Variants in FTCDNL1 observed in about 807,000 individuals in gnomAD.
FTCDNL1 encodes formiminotransferase cyclodeaminase N-terminal like.
In FTCDNL1, 11 loss-of-function variants were observed where a neutral mutation model predicts 5.9. The ratio of observed to expected loss-of-function variants is 1.87; its 90% confidence interval spans 1.18 to 3.10. FTCDNL1 has a LOEUF of 3.10. Ranked by LOEUF, FTCDNL1 falls within the 30% of genes most tolerant of loss-of-function variation. The probability of loss-of-function intolerance (pLI) is 0.00; values close to 1 mark genes in which losing one functional copy is unlikely to be tolerated. For missense variants in FTCDNL1, 115 were observed against 65.5 expected (o/e 1.76, Z -2.61); for synonymous variants, 58 against 24.8 (o/e 2.34, Z -3.99).
chr2:199,725,887 A>G, the FTCDNL1 span, among the ~76,000 whole-genome samples: 1 of 152,086 alleles, frequency 6.6e-6, no homozygotes, highest in African/African-American at 2.4e-5. Flanking sequence ...CTCATAGAGT[A>G]TCTTACTGGG....
At chr2:199,833,385 T>C (rs1166762213) in intron 3 of FTCDNL1, among the ~76,000 whole-genome samples, 2 of 152,210 alleles carry the variant, frequency 1.3e-5, no homozygotes, top group Admixed American at 6.5e-5. Context: ...TCTACACATA[T>C]ACACCCTGAG....
the FTCDNL1 span, among the ~76,000 whole-genome samples, chr2:199,710,099 G>A: frequency 2.0e-4 from 30 of 152,160 alleles, no homozygotes; most frequent in Admixed American, 1.8e-3. Context: ...CAAAGTGCAT[G>A]TTCCTAGCTG....
the FTCDNL1 span, among the ~76,000 whole-genome samples, chr2:199,753,879 A>G: frequency 3.9e-5 from 6 of 152,232 alleles, no homozygotes; most frequent in Non-Finnish European, 7.3e-5. Flanking sequence ...GGGAGAAGGG[A>G]AAAGGGAATT....
chr2:199,737,702 C>A, the FTCDNL1 span, among the ~76,000 whole-genome samples: 1 of 152,134 alleles, frequency 6.6e-6, no homozygotes, highest in African/African-American at 2.4e-5. Flanking sequence ...TCATAGGTCC[C>A]GCACTTAGAA....
intron 1 of FTCDNL1, 64 bp from the exon 2 acceptor site, chr2:199,849,033 T>TA (rs942694689): frequency 3.0e-6 from 2 of 660,276 alleles, no homozygotes; most frequent in Non-Finnish European, 5.4e-6. Context: ...GTTTTAACTA[T>TA]AAAAAAATCA....
intron 3 of FTCDNL1, among the ~76,000 whole-genome samples, chr2:199,789,560 GA>G (rs1175714818): frequency 2.6e-5 from 4 of 151,970 alleles, no homozygotes; most frequent in Non-Finnish European, 4.4e-5. Flanking sequence ...TTAAAATTAG[GA>G]ACTTAGCAAG....
chr2:199,762,018 C>T (rs554524380), intron 3 of FTCDNL1, among the ~76,000 whole-genome samples: 27 of 152,206 alleles, frequency 1.8e-4, no homozygotes, highest in South Asian at 8.3e-4. Flanking sequence ...TTGGGCCACA[C>T]ATAAAATACA....
chr2:199,773,343 C>T (rs1698904770), intron 3 of FTCDNL1, among the ~76,000 whole-genome samples: 1 of 151,372 alleles, frequency 6.6e-6, no homozygotes, highest in African/African-American at 2.5e-5. Context: ...CCATCTACCC[C>T]CATTCTTAGG....
chr2:199,711,849 A>G, the FTCDNL1 span, among the ~76,000 whole-genome samples: 1 of 152,146 alleles, frequency 6.6e-6, no homozygotes, highest in Non-Finnish European at 1.5e-5. Context: ...CATGATGAGA[A>G]GGTCACATTG....
chr2:199,669,986 T>G, the FTCDNL1 span, among the ~76,000 whole-genome samples: 75 of 152,356 alleles, frequency 4.9e-4, no homozygotes, highest in African/African-American at 1.8e-3. Flanking sequence ...TTGAGATTGA[T>G]GTAGTGGCTC....
chr2:199,725,219 G>C, the FTCDNL1 span, among the ~76,000 whole-genome samples: 2 of 151,988 alleles, frequency 1.3e-5, no homozygotes, highest in Non-Finnish European at 2.9e-5. Flanking sequence ...GGTTTTTTCT[G>C]CTTTCCATTT....
At chr2:199,712,061 C>A in the FTCDNL1 span, among the ~76,000 whole-genome samples, 1 of 151,994 alleles carries the variant, frequency 6.6e-6, no homozygotes, top group African/African-American at 2.4e-5. Context: ...GTAAAAGTAC[C>A]CCTACCTTCA....
chr2:199,751,039 C>G, the FTCDNL1 span, among the ~76,000 whole-genome samples: 1 of 152,214 alleles, frequency 6.6e-6, no homozygotes, highest in Non-Finnish European at 1.5e-5. Context: ...CCTCCCCCAT[C>G]TATCGAGAGA....
At chr2:199,800,690 C>A (rs1396141459) in intron 3 of FTCDNL1, among the ~76,000 whole-genome samples, 1 of 152,172 alleles carries the variant, frequency 6.6e-6, no homozygotes, top group Non-Finnish European at 1.5e-5. Context: ...TAAAATAACT[C>A]ATTCCTTTAT....
the FTCDNL1 span, among the ~76,000 whole-genome samples, chr2:199,721,303 G>A: frequency 6.6e-6 from 1 of 151,964 alleles, no homozygotes; most frequent in African/African-American, 2.4e-5. Flanking sequence ...TCCAGTATGT[G>A]TTGTTCCCTC....
intron 3 of FTCDNL1, among the ~76,000 whole-genome samples, chr2:199,822,136 C>T (rs1701732779): frequency 6.6e-6 from 1 of 152,090 alleles, no homozygotes. Flanking sequence ...GGTGCAGTGC[C>T]TCACGCCTGT....
At chr2:199,713,427 C>T in the FTCDNL1 span, among the ~76,000 whole-genome samples, 12 of 152,170 alleles carry the variant, frequency 7.9e-5, no homozygotes, top group Non-Finnish European at 1.8e-4. Flanking sequence ...CTTGGGAGAG[C>T]TTCCCAGACA....
chr2:199,791,070 C>A (rs1405976598), intron 3 of FTCDNL1, among the ~76,000 whole-genome samples: 1 of 151,890 alleles, frequency 6.6e-6, no homozygotes, highest in Non-Finnish European at 1.5e-5. Flanking sequence ...GACCCATTTA[C>A]AACATGAAAC....
chr2:199,683,277 G>T, the FTCDNL1 span, among the ~76,000 whole-genome samples: 1 of 151,996 alleles, frequency 6.6e-6, no homozygotes, highest in Non-Finnish European at 1.5e-5. Flanking sequence ...GTTTGTATTT[G>T]AATGAAATTG....
Sources: allele counts gnomAD v4.1 joint callset (sites outside exome capture counted in the v4.1 genomes callset), GRCh38; gene constraint gnomAD v4.1.1; transcripts MANE v1.5; gene names NCBI Gene and HGNC (gene_info 2026-07-23, HGNC 2026-07-21).